Variants in ZNF233 observed in about 807,000 individuals in gnomAD.
The protein encoded by ZNF233 is zinc finger protein 233.
ZNF233 carries 7 observed loss-of-function variants against 11.6 expected under a neutral mutation model. That is an observed-to-expected ratio of 0.60 (90% CI 0.34 to 1.13). The LOEUF (loss-of-function observed/expected upper bound fraction) is 1.13, where lower values mean the gene tolerates loss of function less well. Among genes scored for constraint, ZNF233 ranks in the 50% most tolerant of loss-of-function variants. The pLI is 0.03. For missense variants in ZNF233, 711 were observed against 785.5 expected, an observed-to-expected ratio of 0.91 and a Z score of 1.13; for synonymous variants, 226 against 268.5, an observed-to-expected ratio of 0.84 and a Z score of 1.55.
chr19:44,268,984 C>G (rs1975167240), intron 4 of ZNF233, among the ~76,000 whole-genome samples: 1 of 152,198 alleles, frequency 6.6e-6, no homozygotes, highest in Non-Finnish European at 1.5e-5. Flanking sequence ...CTGAGAGAGA[C>G]AGGCCCTGGA....
chr19:44,262,656 G>A (rs955767594), intron 1 of ZNF233, among the ~76,000 whole-genome samples: 4 of 152,152 alleles, frequency 2.6e-5, no homozygotes, highest in African/African-American at 4.8e-5. Context: ...GCCTGAAGTA[G>A]GAGGACCCAC....
At chr19:44,267,248 TG>T (rs1432223870) in intron 4 of ZNF233, 1 of 412,280 alleles carries the variant, frequency 2.4e-6, no homozygotes, top group African/African-American at 2.0e-5. Context: ...CTATGTGACC[TG>T]GTCACCCACT....
chr19:44,261,249 G>A (rs1299360278), intron 1 of ZNF233, among the ~76,000 whole-genome samples: 1 of 152,030 alleles, frequency 6.6e-6, no homozygotes, highest in Non-Finnish European at 1.5e-5. Flanking sequence ...ACAGCAGCCT[G>A]GGCAACATAG....
chr19:44,264,974 T>C (rs1366535841), intron 2 of ZNF233, among the ~76,000 whole-genome samples: 1 of 152,148 alleles, frequency 6.6e-6, no homozygotes, highest in African/African-American at 2.4e-5. Flanking sequence ...ATATCTTAAG[T>C]GGTCAGGTCA....
chr19:44,272,383 G>A (rs1399784758), intron 4 of ZNF233, among the ~76,000 whole-genome samples: 2 of 148,564 alleles, frequency 1.3e-5, no homozygotes, highest in African/African-American at 5.0e-5. Context: ...CTCTAAATGA[G>A]TCTCATTAAC....
At chr19:44,260,203 A>G (rs1332139788) in intron 1 of ZNF233, 5 of 205,434 alleles carry the variant, frequency 2.4e-5, no homozygotes, top group Non-Finnish European at 5.0e-5. Context: ...TGGCAATATA[A>G]TCTTGGTAGT....
intron 1 of ZNF233, among the ~76,000 whole-genome samples, chr19:44,263,697 T>C (rs1048409107): frequency 1.3e-5 from 2 of 152,196 alleles, no homozygotes; most frequent in Non-Finnish European, 2.9e-5. Flanking sequence ...ATCAGAATTA[T>C]AGACTTTTCA....
intron 2 of ZNF233, among the ~76,000 whole-genome samples, chr19:44,265,356 CAT>C (rs779403073): frequency 0.017 from 2,001 of 115,520 alleles, 13 homozygotes; most frequent in Non-Finnish European, 0.023. Flanking sequence ...AGTATTCCAT[CAT>C]ATATATATAC....
chr19:44,263,842 T>G (rs1218356655), intron 1 of ZNF233, among the ~76,000 whole-genome samples: 3 of 152,256 alleles, frequency 2.0e-5, no homozygotes, highest in Non-Finnish European at 2.9e-5. Context: ...TATCATCTGC[T>G]TTTCTGCAGC....
chr19:44,268,045 A>G (rs1975139044), intron 4 of ZNF233: 1 of 152,104 alleles, frequency 6.6e-6, no homozygotes, highest in Non-Finnish European at 1.5e-5. Flanking sequence ...TGGACAACAC[A>G]GTGAGACCGC....
At chr19:44,271,283 A>G (rs1028089065) in intron 4 of ZNF233, among the ~76,000 whole-genome samples, 3 of 152,162 alleles carry the variant, frequency 2.0e-5, no homozygotes, top group Non-Finnish European at 4.4e-5. Context: ...ATATTTTTCT[A>G]TATTCTCTTC....
chr19:44,264,480 T>G (rs1975015270), intron 2 of ZNF233, 105 bp downstream of exon 2: 1 of 1,094,390 alleles, frequency 9.1e-7, no homozygotes, highest in Non-Finnish European at 1.3e-6. Flanking sequence ...GGAAAACAGG[T>G]ATTTGGAATC....
At position 44,265,341 on chromosome 19, in the gene ZNF233, TGAG is replaced by T. The variant is rs1391688755; in HGVS notation, c.16-856_16-854del. ...CCATTAATTCGTTCCTTTTTATGGC[TGAG>T]TAGTATTCCATCATATATATATACA... is the stretch of plus-strand genomic sequence containing the variant. On this transcript the variant is annotated intron_variant, in intron 2 of 4. Transcript: ENST00000683810. Among the ~76,000 whole-genome samples the T allele has an allele frequency of 9.3e-5, 14 of 151,130 alleles. No individual in the cohort carries two copies. In the Admixed American group the frequency reaches 9.3e-4, roughly 10 times the overall value.
chr19:44,264,261 C>A (rs2123041428), intron 1 of ZNF233, 53 bp from the exon 2 acceptor site: 2 of 1,236,922 alleles, frequency 1.6e-6, no homozygotes, highest in Non-Finnish European at 2.4e-6. Context: ...ATTCAGCCAG[C>A]ACAGCCATGT....
chr19:44,273,982 T>G lies in ZNF233; in HGVS notation c.1322T>G (p.Leu441Arg), dbSNP rs768945588. ...SDRIFNRNSG[L>R]HQRVHTGEKP... The stretch of plus-strand genomic sequence containing the variant: ...AGGATATTTAATAGGAATTCTGGTC[T>G]TCACCAGAGAGTTCACACTGGAGAG... The change falls in exon 5 of 5, where the codon CTT becomes CGT. Residue 441 changes from leucine to arginine, a missense_variant. Physicochemically the swap from Leu to Arg is moderately radical, Grantham distance 102 (BLOSUM62 -2). Coordinates refer to ENST00000683810, the MANE Select transcript of ZNF233 (RefSeq NM_001207005.2). 2.5e-6 allele frequency: 4 copies of G among 1,613,294 alleles called. No individual in the cohort carries two copies. Among genetic ancestry groups the G allele is most frequent in the Non-Finnish European group, 1.7e-6 (2 of 1,179,580 alleles).
chr19:44,260,497 G>A (rs1381093386), intron 1 of ZNF233, among the ~76,000 whole-genome samples: 1 of 152,148 alleles, frequency 6.6e-6, no homozygotes, highest in Non-Finnish European at 1.5e-5. Flanking sequence ...GCTGTTCCTG[G>A]ATTCCTAACG....
At chr19:44,262,682 T>A (rs1974971381) in intron 1 of ZNF233, among the ~76,000 whole-genome samples, 1 of 152,148 alleles carries the variant, frequency 6.6e-6, no homozygotes, top group South Asian at 2.1e-4. Flanking sequence ...GGAGTAGCTA[T>A]CTGTATTGAA....
rs752727851 is a variant in ZNF233 at position 44,259,918 on chromosome 19, G to C, written c.-68G>C. On this transcript the variant is annotated 5_prime_UTR_variant, in exon 1 of 5. Coordinates refer to ENST00000683810, the MANE Select transcript of ZNF233 (RefSeq NM_001207005.2). The stretch of plus-strand genomic sequence containing the variant: ...TCCGCTGCAGGAGGGCGAAGCAGCC[G>C]TCATCTATCCCCTCTGGGAGGTGAG... 2.2e-6 allele frequency: 1 copy of C among 455,782 alleles called. No homozygotes were observed. The allele number at this position is 455,782 out of a possible 1,614,324, so 28.2% of individuals were successfully genotyped here.
At chr19:44,262,735 C>A (rs149565883) in intron 1 of ZNF233, among the ~76,000 whole-genome samples, 1 of 152,202 alleles carries the variant, frequency 6.6e-6, no homozygotes, top group African/African-American at 2.4e-5. Flanking sequence ...AATAACCCTA[C>A]GAGGTAGATA....
Sources: gnomAD v4.1 joint callset for allele counts (sites outside exome capture counted in the v4.1 genomes callset) on GRCh38, gnomAD v4.1.1 for gene constraint, MANE v1.5 for transcripts, NCBI Gene and HGNC (gene_info 2026-07-23, HGNC 2026-07-21) for gene names.